Variants in SNAPC3 observed in about 807,000 individuals in gnomAD.
SNAPC3 encodes snRNA-activating protein complex subunit 3.
In SNAPC3, 56 loss-of-function variants were observed where a neutral mutation model predicts 47.7. The observed-to-expected ratio is 1.18, with a 90% CI of 0.95 to 1.47. The LOEUF is 1.47. SNAPC3 is among the 40% of genes most tolerant of loss of function. SNAPC3 has a pLI of 0.00. For missense variants in SNAPC3, 665 were observed against 511.3 expected (o/e 1.30, Z -2.90); for synonymous variants, 235 against 189.9 (o/e 1.24, Z -1.95).
At chr9:15,463,403 T>C (rs962168659), downstream of SNAPC3, 2 of 148,988 alleles carry the variant, frequency 1.3e-5, no homozygotes, top group South Asian at 4.3e-4. Context: ...GTATGACTCT[T>C]TTATCCAGTA....
chr9:15,459,741 T>A lies in SNAPC3; in HGVS notation c.1111T>A (p.Phe371Ile), dbSNP rs148554001. ...TARWVTNNDS[F>I]APEDPCFFCD... Reference sequence around the variant, plus strand: ...CAGATGGGTGACGAACAATGACAGTTTTGCACCAGAGGACCCATGCTTCTT... The same window carrying A: ...CAGATGGGTGACGAACAATGACAGTATTGCACCAGAGGACCCATGCTTCTT... Residue 371 changes from phenylalanine (F) to isoleucine (I), a missense_variant, in exon 9 of 9, where the codon TTT becomes ATT. Physicochemically the swap from Phe to Ile is conservative, Grantham distance 21. Transcript: ENST00000380821. The A allele has an allele frequency of 2.5e-6, 4 of 1,613,322 alleles. No homozygotes were observed. Among genetic ancestry groups the A allele is most frequent in the Non-Finnish European group, 3.4e-6 (4 of 1,179,680 alleles).
intron 8 of SNAPC3, 107 bp from the exon 9 acceptor site, chr9:15,459,612 T>A: frequency 1.2e-6 from 1 of 857,696 alleles, no homozygotes; most frequent in Admixed American, 2.3e-5. Flanking sequence ...AATAACAGAC[T>A]GATAAGGAAA....
intron 2 of SNAPC3, 105 bp downstream of exon 2, chr9:15,424,091 C>G (rs1261272277): frequency 1.9e-6 from 1 of 537,644 alleles, no homozygotes; most frequent in Non-Finnish European, 3.3e-6. Flanking sequence ...TATACCCACC[C>G]CTTAAATTCA....
chr9:15,438,921 G>A (rs959527475), intron 3 of SNAPC3, among the ~76,000 whole-genome samples: 13 of 152,056 alleles, frequency 8.5e-5, no homozygotes, highest in Admixed American at 6.6e-4. Flanking sequence ...TGTTCTACCC[G>A]TTATTGAAAG....
In SNAPC3 at chr9:15,460,019, A is replaced by C; in HGVS notation, c.*153A>C. ...AAGTCCAAATGACAGATTTTCTTATAATGATAGTATTTAAATGTTTATAAC... is the reference window on the plus strand; with the variant it reads ...AAGTCCAAATGACAGATTTTCTTATCATGATAGTATTTAAATGTTTATAAC... On this transcript the variant is annotated 3_prime_UTR_variant, in exon 9 of 9. Coordinates refer to ENST00000380821, the MANE Select transcript of SNAPC3 (RefSeq NM_001039697.2). The C allele has an allele frequency of 1.9e-6, 1 of 517,604 alleles. No homozygotes were observed. Among genetic ancestry groups the C allele is most frequent in the East Asian group, 3.1e-5 (1 of 32,656 alleles). The allele number at this position is 517,604 out of a possible 1,614,324, so 32.1% of individuals were successfully genotyped here. A position where few individuals can be genotyped will look rare whatever the true frequency, so the allele number is the denominator to read the frequency against.
At chr9:15,442,507 C>T (rs1159040368) in intron 3 of SNAPC3, among the ~76,000 whole-genome samples, 7 of 151,400 alleles carry the variant, frequency 4.6e-5, no homozygotes, top group Non-Finnish European at 5.9e-5. Context: ...GGCGGCTGGG[C>T]GGAGACGCTC....
intron 2 of SNAPC3, among the ~76,000 whole-genome samples, chr9:15,425,915 G>A (rs769768300): frequency 1.3e-5 from 2 of 152,172 alleles, no homozygotes; most frequent in African/African-American, 2.4e-5. Flanking sequence ...AGGCCTGAGT[G>A]CAATGGTGCG....
intron 2 of SNAPC3, among the ~76,000 whole-genome samples, chr9:15,431,513 C>T (rs768580680): frequency 6.0e-5 from 9 of 150,910 alleles, no homozygotes; most frequent in Non-Finnish European, 1.0e-4. Flanking sequence ...CAGATTGATA[C>T]AGGAGATAAC....
intron 3 of SNAPC3, among the ~76,000 whole-genome samples, chr9:15,441,397 T>TTTC (rs2033360948): frequency 7.8e-6 from 1 of 128,938 alleles, no homozygotes; most frequent in Non-Finnish European, 1.7e-5. Flanking sequence ...TTTTTTTTTT[T>TTTC]TTTTTTTTTT....
At chr9:15,459,070 T>G (rs1724791342) in intron 8 of SNAPC3, among the ~76,000 whole-genome samples, 1 of 152,144 alleles carries the variant, frequency 6.6e-6, no homozygotes, top group Admixed American at 6.6e-5. Flanking sequence ...ACAATATTCT[T>G]TTCTGAAAGA....
At chr9:15,438,820 G>A (rs923949818) in intron 3 of SNAPC3, among the ~76,000 whole-genome samples, 1 of 152,086 alleles carries the variant, frequency 6.6e-6, no homozygotes, top group African/African-American at 2.4e-5. Flanking sequence ...CCTGTATTCA[G>A]CTGTTGTTTG....
chr9:15,458,838 C>T (rs572742514), intron 8 of SNAPC3, among the ~76,000 whole-genome samples: 1 of 152,038 alleles, frequency 6.6e-6, no homozygotes, highest in Non-Finnish European at 1.5e-5. Flanking sequence ...GATCAGAAAT[C>T]CAAAACCTGA....
Position 15,423,168 on chromosome 9 carries a change from G to A in SNAPC3, c.289G>A (p.Ala97Thr). 6.4e-7 allele frequency: 1 copy of A among 1,574,776 alleles called. No individual in the cohort carries two copies. The highest frequency in any genetic ancestry group is 2.3e-5 in the East Asian group (1 of 43,304). Residue 97 changes from alanine to threonine, a missense_variant, in exon 1 of 9, where the codon GCG becomes ACG. Ala to Thr is a moderately conservative substitution (Grantham distance 58). Coordinates refer to ENST00000380821, the MANE Select transcript of SNAPC3 (RefSeq NM_001039697.2). ...ARDLDCSLEA[A>T]AELRAVCGLD... ...GGATCTGGACTGCAGCCTGGAGGCG[G>A]CGGCTGAGCTGAGGGCGGTGTGCGG...
intron 3 of SNAPC3, among the ~76,000 whole-genome samples, chr9:15,437,315 T>A (rs1208714064): frequency 6.7e-6 from 1 of 149,622 alleles, no homozygotes; most frequent in East Asian, 2.0e-4. Flanking sequence ...TCACTGCAAC[T>A]TCCGCCTCCC....
chr9:15,440,828 A>T (rs945233120), intron 3 of SNAPC3, among the ~76,000 whole-genome samples: 79 of 152,002 alleles, frequency 5.2e-4, no homozygotes, highest in African/African-American at 1.9e-3. Context: ...GAGTGTCTGT[A>T]GTCCCAGCTA....
At chr9:15,429,126 A>G (rs1202594331) in intron 2 of SNAPC3, among the ~76,000 whole-genome samples, 1 of 152,340 alleles carries the variant, frequency 6.6e-6, no homozygotes, top group East Asian at 1.9e-4. Context: ...ATAACTTACA[A>G]AGGCAAACTT....
chr9:15,453,237 C>T, intron 7 of SNAPC3, 32 bp downstream of exon 7: 2 of 1,473,454 alleles, frequency 1.4e-6, no homozygotes, highest in African/African-American at 1.4e-5. Context: ...ATTTTGTTAC[C>T]TTTTTTTTTC....
At chr9:15,445,792 T>C (rs1272854806) in intron 4 of SNAPC3, among the ~76,000 whole-genome samples, 1 of 152,010 alleles carries the variant, frequency 6.6e-6, no homozygotes, top group Non-Finnish European at 1.5e-5. Context: ...CTACAAAAAA[T>C]ACAAAAACTA....
At chr9:15,446,771 G>C (rs899563710) in intron 4 of SNAPC3, among the ~76,000 whole-genome samples, 1 of 152,150 alleles carries the variant, frequency 6.6e-6, no homozygotes, top group African/African-American at 2.4e-5. Context: ...ATTCCAGTAG[G>C]TTTGGTGGCA....
Sources: gnomAD v4.1 joint callset for allele counts (sites outside exome capture counted in the v4.1 genomes callset) on GRCh38, gnomAD v4.1.1 for gene constraint, MANE v1.5 for transcripts, NCBI Gene and HGNC (gene_info 2026-07-23, HGNC 2026-07-21) for gene names.